TRAF3: variants seen among roughly 807,000 people sequenced by gnomAD.
TRAF3 encodes the protein TNF receptor-associated factor 3.
TRAF3 carries 13 observed loss-of-function variants against 62.3 expected under a neutral mutation model. The observed-to-expected ratio is 0.21, with a 90% confidence interval of 0.14 to 0.33. The LOEUF is 0.33. Ranked by LOEUF, TRAF3 falls within the 10% of genes least tolerant of loss-of-function variation. The probability of loss-of-function intolerance (pLI) is 1.00; values close to 1 mark genes in which losing one functional copy is unlikely to be tolerated. For missense variants in TRAF3, 440 were observed against 741.8 expected (o/e 0.59, Z 4.73); for synonymous variants, 269 against 283.4 (o/e 0.95, Z 0.51).
At chr14:102,814,346 T>A (rs541384639) in intron 1 of TRAF3, among the ~76,000 whole-genome samples, 14 of 152,300 alleles carry the variant, frequency 9.2e-5, no homozygotes, top group African/African-American at 3.4e-4. Context: ...TACAGCTTTG[T>A]AGTATATTTT....
At chr14:102,839,585 T>C (rs1307146170) in intron 2 of TRAF3, among the ~76,000 whole-genome samples, 1 of 152,200 alleles carries the variant, frequency 6.6e-6, no homozygotes, top group Admixed American at 6.5e-5. Flanking sequence ...AGTGAAGAAA[T>C]TGACTTGGCA....
chr14:102,802,761 G>A (rs1441303218), intron 1 of TRAF3, among the ~76,000 whole-genome samples: 1 of 152,044 alleles, frequency 6.6e-6, no homozygotes, highest in Non-Finnish European at 1.5e-5. Flanking sequence ...TTGGGAGGCG[G>A]AAGTTTCAGT....
intron 1 of TRAF3, among the ~76,000 whole-genome samples, chr14:102,824,915 A>C (rs1403783600): frequency 6.6e-6 from 1 of 152,174 alleles, no homozygotes; most frequent in Non-Finnish European, 1.5e-5. Flanking sequence ...TAATCCTTTT[A>C]CACACCAGGT....
intron 2 of TRAF3, among the ~76,000 whole-genome samples, chr14:102,839,290 C>G (rs1886232984): frequency 7.2e-6 from 1 of 139,726 alleles, no homozygotes; most frequent in African/African-American, 2.8e-5. Context: ...GCGATCTTCG[C>G]TCACTGCAAC....
chr14:102,872,953 A>G (rs907472742), intron 4 of TRAF3, among the ~76,000 whole-genome samples: 1 of 152,146 alleles, frequency 6.6e-6, no homozygotes, highest in African/African-American at 2.4e-5. Flanking sequence ...CGGCCTCCCA[A>G]AGTGCTGGGA....
chr14:102,837,550 T>C (rs1886100461), intron 2 of TRAF3, among the ~76,000 whole-genome samples: 1 of 152,104 alleles, frequency 6.6e-6, no homozygotes, highest in Non-Finnish European at 1.5e-5. Context: ...CAGCTAAAGG[T>C]GCTCCCTGGT....
At chr14:102,789,566 A>G (rs887106153) in intron 1 of TRAF3, among the ~76,000 whole-genome samples, 11 of 151,702 alleles carry the variant, frequency 7.3e-5, no homozygotes, top group Non-Finnish European at 1.5e-4. Flanking sequence ...TGAATACCCA[A>G]TCACACTTAT....
At chr14:102,893,682 T>G (rs1191980229) in intron 9 of TRAF3, among the ~76,000 whole-genome samples, 1 of 152,206 alleles carries the variant, frequency 6.6e-6, no homozygotes, top group Non-Finnish European at 1.5e-5. Flanking sequence ...GTGTTTAAAC[T>G]ATCTCCAGCC....
In TRAF3 at chr14:102,907,491, G is replaced by A. The variant is rs1890640565; in HGVS notation, c.*1707G>A. ...GCTTCATGGTGCTCTTACCACTGAT[G>A]GGTGCTACACGCGACGGGTGCTTCT... On this transcript the variant is annotated 3_prime_UTR_variant, in exon 12 of 12. Transcript: ENST00000392745. 6.6e-6 allele frequency: 1 copy of A among 152,366 alleles called. No homozygotes were observed. Among genetic ancestry groups the A allele is most frequent in the African/African-American group, 2.4e-5 (1 of 41,480 alleles). The allele number at this position is 152,366 out of a possible 1,614,324, so 9.4% of individuals were successfully genotyped here.
At chr14:102,857,184 TC>T (rs1447958867) in intron 2 of TRAF3, among the ~76,000 whole-genome samples, 1 of 152,148 alleles carries the variant, frequency 6.6e-6, no homozygotes, top group African/African-American at 2.4e-5. Flanking sequence ...ACATTACCCA[TC>T]TCTCTTGTTT....
chr14:102,833,994 G>GAAA (rs34699700), intron 2 of TRAF3, among the ~76,000 whole-genome samples: 2 of 150,000 alleles, frequency 1.3e-5, no homozygotes, highest in African/African-American at 4.9e-5. Context: ...GTCTCGGGGG[G>GAAA]AAAAAAAAGA....
At chr14:102,848,221 C>A (rs1328805870) in intron 2 of TRAF3, among the ~76,000 whole-genome samples, 1 of 152,058 alleles carries the variant, frequency 6.6e-6, no homozygotes, top group Non-Finnish European at 1.5e-5. Flanking sequence ...CTCTTGAGCC[C>A]AAGAGTTCGA....
chr14:102,848,011 G>A (rs931156599), intron 2 of TRAF3, among the ~76,000 whole-genome samples: 5 of 152,040 alleles, frequency 3.3e-5, no homozygotes, highest in African/African-American at 1.2e-4. Context: ...AAAATCTCTC[G>A]GCCCTACCCT....
chr14:102,860,121 C>G (rs1887598024), intron 2 of TRAF3, among the ~76,000 whole-genome samples: 1 of 152,236 alleles, frequency 6.6e-6, no homozygotes, highest in Non-Finnish European at 1.5e-5. Context: ...TCCATACCTT[C>G]CAGGTGGCCA....
chr14:102,801,245 A>G (rs1193933567), intron 1 of TRAF3, among the ~76,000 whole-genome samples: 2 of 152,160 alleles, frequency 1.3e-5, no homozygotes, highest in East Asian at 3.9e-4. Context: ...AAGTGCTGGG[A>G]TTACAGTCAA....
intron 1 of TRAF3, among the ~76,000 whole-genome samples, chr14:102,795,987 C>T (rs955402485): frequency 2.6e-5 from 4 of 152,138 alleles, no homozygotes; most frequent in Non-Finnish European, 5.9e-5. Flanking sequence ...GAGGCTGAGG[C>T]GGGCGGATCA....
In TRAF3 at chr14:102,910,356, G is replaced by A. The variant is rs1211558884; in HGVS notation, c.*4572G>A. ...GCTTTTGTATCTGTGAGGTGAATGA[G>A]GGTCTGTCACCCAAATCTACTTCTC... On this transcript the variant is annotated 3_prime_UTR_variant, in exon 12 of 12. Coordinates refer to ENST00000392745, the MANE Select transcript of TRAF3 (RefSeq NM_145725.3). 6.6e-6 allele frequency: 1 copy of A among 152,284 alleles called. No homozygotes were observed. Among genetic ancestry groups the A allele is most frequent in the African/African-American group, 2.4e-5 (1 of 41,464 alleles). The allele number at this position is 152,284 out of a possible 1,614,324, so 9.4% of individuals were successfully genotyped here.
intron 10 of TRAF3, among the ~76,000 whole-genome samples, chr14:102,902,192 G>T (rs1432278432): frequency 6.6e-6 from 1 of 152,268 alleles, no homozygotes; most frequent in Non-Finnish European, 1.5e-5. Flanking sequence ...TGGCAGCCTC[G>T]TGTGTTCGTG....
At chr14:102,828,225 GTCTC>G (rs751176329) in intron 1 of TRAF3, among the ~76,000 whole-genome samples, 2 of 152,224 alleles carry the variant, frequency 1.3e-5, no homozygotes, top group African/African-American at 2.4e-5. Context: ...GTGCCAGAGA[GTCTC>G]TCTCCAGCGC....
Sources: gnomAD v4.1 joint callset for allele counts (sites outside exome capture counted in the v4.1 genomes callset) on GRCh38, gnomAD v4.1.1 for gene constraint, MANE v1.5 for transcripts, NCBI Gene and HGNC (gene_info 2026-07-23, HGNC 2026-07-21) for gene names.